The following FANCB variants were observed in gnomAD, a reference collection of about 807,000 sequenced individuals.
FANCB encodes Fanconi anemia group B protein.
FANCB carries 5 observed loss-of-function variants against 38.9 expected under a neutral mutation model. The ratio of observed to expected loss-of-function variants is 0.13; its 90% CI spans 0.07 to 0.27. The LOEUF (loss-of-function observed/expected upper bound fraction) is 0.27. FANCB is among the 10% of genes least tolerant of loss of function. The pLI is 1.00. For missense variants in FANCB, 573 were observed against 602.7 expected, an observed-to-expected ratio of 0.95 and a Z score of 0.52; for synonymous variants, 236 against 215.4, an observed-to-expected ratio of 1.10 and a Z score of -0.84.
At chrX:14,738,002 T>C in the FANCB span, among the ~76,000 whole-genome samples, 9 of 111,666 alleles carry the variant, frequency 8.1e-5, no homozygotes, top group South Asian at 3.0e-3. Flanking sequence ...CCTAAGACAA[T>C]TGATTATGTT....
At chrX:14,785,243 A>T in the FANCB span, among the ~76,000 whole-genome samples, 1 of 111,921 alleles carries the variant, frequency 8.9e-6, no homozygotes, top group Non-Finnish European at 1.9e-5. Context: ...TTCCATCTCC[A>T]GATTGTTAAT....
At chrX:14,787,888 T>TATATAC in the FANCB span, among the ~76,000 whole-genome samples, 1 of 43,165 alleles carries the variant, frequency 2.3e-5, no homozygotes, top group Non-Finnish European at 5.1e-5. Context: ...TATATATATA[T>TATATAC]ATATATATAT....
At chrX:14,707,203 G>T in the FANCB span, among the ~76,000 whole-genome samples, 1 of 111,528 alleles carries the variant, frequency 9.0e-6, no homozygotes, top group Non-Finnish European at 1.9e-5. Flanking sequence ...ATATGAGAGA[G>T]AAGCATGACA....
the FANCB span, among the ~76,000 whole-genome samples, chrX:14,821,043 T>C: frequency 8.9e-6 from 1 of 111,896 alleles, no homozygotes; most frequent in Non-Finnish European, 1.9e-5. Context: ...TGATCATGGG[T>C]CTCAGATATA....
At chrX:14,716,079 C>A in the FANCB span, among the ~76,000 whole-genome samples, 1 of 111,032 alleles carries the variant, frequency 9.0e-6, no homozygotes, top group African/African-American at 3.3e-5. Context: ...CGAAGCTGAC[C>A]CTGTCAGAAG....
chrX:14,803,496 T>C, the FANCB span, among the ~76,000 whole-genome samples: 1 of 112,542 alleles, frequency 8.9e-6, no homozygotes, highest in Non-Finnish European at 1.9e-5. Context: ...CAGTTTAATC[T>C]ATTATCTTAA....
chrX:14,822,499 G>A, the FANCB span, among the ~76,000 whole-genome samples: 1 of 109,440 alleles, frequency 9.1e-6, no homozygotes, highest in African/African-American at 3.3e-5. Context: ...GGAGGTTAAA[G>A]AACTGGCCTA....
intron 5 of FANCB, among the ~76,000 whole-genome samples, chrX:14,854,055 TCAA>T (rs2092413035): frequency 8.9e-6 from 1 of 112,718 alleles, no homozygotes. Context: ...TTTATTTTAA[TCAA>T]CAAATAGAAA....
the FANCB span, among the ~76,000 whole-genome samples, chrX:14,769,524 T>A: frequency 8.9e-6 from 1 of 111,950 alleles, no homozygotes; most frequent in Non-Finnish European, 1.9e-5. Context: ...CATTTCTGAT[T>A]GTGTTTATTT....
downstream of FANCB, among the ~76,000 whole-genome samples, chrX:14,842,597 T>A (rs2092358396): frequency 8.9e-6 from 1 of 112,144 alleles, no homozygotes; most frequent in South Asian, 3.7e-4. Context: ...TTTATCCCTT[T>A]GAAATGTATC....
At chrX:14,830,316 C>T in the FANCB span, among the ~76,000 whole-genome samples, 2 of 111,464 alleles carry the variant, frequency 1.8e-5, no homozygotes, top group Non-Finnish European at 3.8e-5. Context: ...GACACAGAGA[C>T]ACAACATGAG....
chrX:14,723,238 TTCTC>T, the FANCB span, among the ~76,000 whole-genome samples: 3 of 112,299 alleles, frequency 2.7e-5, no homozygotes, highest in Admixed American at 2.8e-4. Context: ...GGTGTCTTCT[TTCTC>T]ATTGAATGGC....
chrX:14,845,999 C>T (rs1371639643), intron 7 of FANCB, among the ~76,000 whole-genome samples: 2 of 111,549 alleles, frequency 1.8e-5, no homozygotes, highest in Non-Finnish European at 3.8e-5. Flanking sequence ...AGGAATTTGA[C>T]CATATGTCTA....
At chrX:14,823,013 T>C in the FANCB span, among the ~76,000 whole-genome samples, 2 of 110,509 alleles carry the variant, frequency 1.8e-5, no homozygotes, top group Non-Finnish European at 3.8e-5. Context: ...ACTCTGCAGA[T>C]TAATATCGCT....
rs931259538 is a variant in FANCB, at chrX:14,844,618, T to C, written c.2050A>G (p.Ile684Val). The change falls in exon 9 of 10, where the codon ATA becomes GTA. Residue 684 changes from isoleucine (I) to valine (V), a missense_variant. Physicochemically the swap from Ile to Val is conservative, Grantham distance 29. Coordinates refer to ENST00000650831, the MANE Select transcript of FANCB (RefSeq NM_001018113.3). ...TACACTTCTGGAAATTCTTTGATTATTTCACATTTCATATGTTCTAAGAGC... is the reference window on the plus strand; with the variant it reads ...TACACTTCTGGAAATTCTTTGATTACTTCACATTTCATATGTTCTAAGAGC... ...VWLLEHMKCE[I>V]IKEFPEVYFC... 1 of 1,208,799 alleles carries C rather than the reference T, an allele frequency of 8.3e-7. No individual in the cohort carries two copies. The highest frequency in any genetic ancestry group is 1.7e-5 in the African/African-American group (1 of 57,778).
the FANCB span, among the ~76,000 whole-genome samples, chrX:14,736,271 C>T: frequency 9.1e-6 from 1 of 110,269 alleles, no homozygotes; most frequent in Non-Finnish European, 1.9e-5. Context: ...ATTCCAGGCA[C>T]CACTGGGGTA....
At chrX:14,831,898 G>A (rs1420195816), downstream of FANCB, among the ~76,000 whole-genome samples, 1 of 111,050 alleles carries the variant, frequency 9.0e-6, no homozygotes, top group African/African-American at 3.3e-5. Flanking sequence ...ATAGGGAGTA[G>A]CAACGAAGAT....
the FANCB span, among the ~76,000 whole-genome samples, chrX:14,813,327 A>C: frequency 9.4e-6 from 1 of 106,765 alleles, no homozygotes; most frequent in Admixed American, 1.0e-4. Flanking sequence ...GCAATTAGGC[A>C]GGAGAAGGAA....
chrX:14,831,428 A>G (rs1216252754), downstream of FANCB, among the ~76,000 whole-genome samples: 1 of 112,109 alleles, frequency 8.9e-6, no homozygotes, highest in Non-Finnish European at 1.9e-5. Context: ...ATGAATCAAG[A>G]GCTGAGAGGT....
Sources: allele counts gnomAD v4.1 joint callset (sites outside exome capture counted in the v4.1 genomes callset), GRCh38; gene constraint gnomAD v4.1.1; transcripts MANE v1.5; gene names NCBI Gene and HGNC (gene_info 2026-07-23, HGNC 2026-07-21).